Variants in SFTPB observed in about 807,000 individuals in gnomAD.
The protein encoded by SFTPB is surfactant protein B, also known as pulmonary surfactant-associated protein B.
In SFTPB, 32 loss-of-function variants were observed where a neutral mutation model predicts 51.0. The ratio of observed to expected loss-of-function variants is 0.63; its 90% CI spans 0.47 to 0.84. The LOEUF is 0.84. SFTPB is among the 40% of genes least tolerant of loss of function. SFTPB has a pLI of 0.00. For missense variants in SFTPB, 431 were observed against 491.2 expected (o/e 0.88, Z 1.16); for synonymous variants, 211 against 208.5 (o/e 1.01, Z -0.10).
At chr2:85,667,297 C>T in intron 2 of SFTPB, 120 bp from the exon 3 acceptor site, 2 of 775,286 alleles carry the variant, frequency 2.6e-6, no homozygotes, top group Non-Finnish European at 4.6e-6. Context: ...CAGCTGCCCA[C>T]CAGCCCAACT....
rs1162494889 is a variant in SFTPB, at chr2:85,657,945, TG to T, written c.*1756del. The T allele has an allele frequency of 2.6e-5, 4 of 151,698 alleles. No homozygotes were observed. The highest frequency in any genetic ancestry group is 9.7e-5 in the African/African-American group (4 of 41,242). 9.4% of individuals were successfully genotyped at this position (151,698 alleles called of 1,614,324 possible). On this transcript the variant is annotated 3_prime_UTR_variant, in exon 11 of 11. Transcript: ENST00000519937. ...ATATTACAAAGCACCTTCTCAAGGGTGGGGAAGGTGTATTGTCACAAGGTCA... is the reference window on the plus strand; with the variant it reads ...ATATTACAAAGCACCTTCTCAAGGGTGGGAAGGTGTATTGTCACAAGGTCA...
rs3024798 is a variant in SFTPB at position 85,667,185 on chromosome 2, G to T, written c.196-8C>A. 574,184 of 1,606,802 alleles carry T rather than the reference G, an allele frequency of 0.36. 106,754 individuals are homozygous for T. The highest frequency in any genetic ancestry group is 0.42 in the Middle Eastern group (2,516 of 6,032). ...CTCTTGGCATAGGTCATCCTGGGGA[G>T]GGAGGGGCCCCAAGGTGGAGGACAC... On this transcript the variant is annotated splice_region_variant and splice_polypyrimidine_tract_variant and intron_variant, in intron 2 of 10. Transcript: ENST00000519937.
chr2:85,668,129 C>A lies in SFTPB; in HGVS notation c.55G>T (p.Gly19Cys), dbSNP rs1358662762. The change falls in exon 1 of 11, where the codon GGC becomes TGC. Residue 19 changes from glycine to cysteine, a missense_variant. By Grantham distance (159) the Gly-to-Cys change is radical (BLOSUM62 -3). Coordinates refer to ENST00000519937, the MANE Select transcript of SFTPB (RefSeq NM_000542.5). Reference sequence around the variant, plus strand: ...GGGGGAGACTCACCAGTGCCTGGGCCACAGAGCGTGGGCAGCAGCAGCAGC... The same window carrying A: ...GGGGGAGACTCACCAGTGCCTGGGCAACAGAGCGTGGGCAGCAGCAGCAGC... ...WLLLLLPTLC[G>C]PGTAAWTTSS... 8 of 1,551,178 alleles carry A rather than the reference C, an allele frequency of 5.2e-6. No individual in the cohort carries two copies. The highest frequency in any genetic ancestry group is 1.4e-5 in the African/African-American group (1 of 73,012).
Position 85,658,018 on chromosome 2 carries a change from T to C in SFTPB, c.*1684A>G, listed in dbSNP as rs936622704. ...AGGAACAAATCACAATGGTGGAATG[T>C]CATCAGTTAAGGCAGGAACTGGCTA... On this transcript the variant is annotated 3_prime_UTR_variant, in exon 11 of 11. Transcript: ENST00000519937. 6.6e-6 allele frequency: 1 copy of C among 151,734 alleles called. No individual in the cohort carries two copies. Among genetic ancestry groups the C allele is most frequent in the Non-Finnish European group, 1.5e-5 (1 of 67,918 alleles). 9.4% of individuals were successfully genotyped at this position (151,734 alleles called of 1,614,324 possible).
At chr2:85,666,445 GTCCGGCTGGCTGGGGTGCTGTGTGTT>G in intron 4 of SFTPB, 146 bp downstream of exon 4, 1 of 589,608 alleles carries the variant, frequency 1.7e-6, no homozygotes, top group Non-Finnish European at 3.1e-6. Context: ...GTGTGTGTGT[GTCCGGCTGGCTGGGGTGCTGTGTGTT>G]TGTGTCTGGC....
intron 5 of SFTPB, 103 bp from the exon 6 acceptor site, chr2:85,665,481 G>A (rs1194984331): frequency 1.6e-5 from 23 of 1,435,418 alleles, no homozygotes; most frequent in Non-Finnish European, 2.1e-5. Context: ...CCTCCCTTAG[G>A]CCCTGCCTGG....
chr2:85,665,865 G>A, intron 4 of SFTPB, 71 bp from the exon 5 acceptor site: 1 of 1,456,792 alleles, frequency 6.9e-7, no homozygotes, highest in South Asian at 1.2e-5. Context: ...GCCGGCCCAA[G>A]GGCTCAGGGA....
At chr2:85,667,877 C>T in intron 1 of SFTPB, 71 bp from the exon 2 acceptor site, 2 of 1,605,204 alleles carry the variant, frequency 1.2e-6, no homozygotes, top group Middle Eastern at 1.7e-4. Flanking sequence ...TTTCACCCAC[C>T]CTCTAGACCC....
At chr2:85,668,321 T>A, upstream of SFTPB, 3 of 791,808 alleles carry the variant, frequency 3.8e-6, no homozygotes, top group South Asian at 1.6e-5. Flanking sequence ...TGATCCCACC[T>A]TTTCCCAGCA....
chr2:85,666,983 C>T, intron 3 of SFTPB, 123 bp downstream of exon 3: 2 of 1,007,310 alleles, frequency 2.0e-6, no homozygotes, highest in South Asian at 1.3e-5. Context: ...GGAGCTGGGA[C>T]TTCCCAGGCA....
chr2:85,665,451 C>G (rs1001917615), intron 5 of SFTPB, 73 bp from the exon 6 acceptor site: 1 of 1,455,620 alleles, frequency 6.9e-7, no homozygotes, highest in African/African-American at 1.4e-5. Context: ...TCCCCTCTCT[C>G]TTCCTCCCTT....
chr2:85,668,317 C>T (rs556812475), upstream of SFTPB: 7 of 807,806 alleles, frequency 8.7e-6, no homozygotes, highest in Admixed American at 6.3e-5. Context: ...TGCTTGATCC[C>T]ACCTTTTCCC....
chr2:85,664,013 G>T (rs1293030870), intron 6 of SFTPB, among the ~76,000 whole-genome samples, 166 bp from the exon 7 acceptor site: 1 of 152,178 alleles, frequency 6.6e-6, no homozygotes, highest in Non-Finnish European at 1.5e-5. Context: ...GAGTCCAGGG[G>T]ATGCAGGGGA....
chr2:85,664,128 C>T (rs45618240), intron 6 of SFTPB, among the ~76,000 whole-genome samples: 6 of 152,194 alleles, frequency 3.9e-5, no homozygotes, highest in African/African-American at 1.4e-4. Context: ...GTGGACCTGA[C>T]CTTCCCCCAA....
chr2:85,665,353 A>G lies in SFTPB; in HGVS notation c.608T>C (p.Ile203Thr), dbSNP rs1193382451. The G allele has an allele frequency of 1.2e-6, 2 of 1,613,852 alleles. No homozygotes were observed. Among genetic ancestry groups the G allele is most frequent in the Admixed American group, 1.7e-5 (1 of 60,026 alleles). Residue 203 changes from isoleucine (I) to threonine (T), a missense_variant, in exon 6 of 11, where the codon ATT becomes ACT. Ile to Thr is a moderately conservative substitution (Grantham distance 89, BLOSUM62 -1). Coordinates refer to ENST00000519937, the MANE Select transcript of SFTPB (RefSeq NM_000542.5). ...TQDLSEQQFP[I>T]PLPYCWLCRA... ...GCAGAGCCAGCAATAGGGGAGAGGA[A>G]TGGGGAATTGCTGCTCGGAGAGATC...
intron 9 of SFTPB, 40 bp from the exon 10 acceptor site, chr2:85,661,575 C>A: frequency 1.3e-6 from 2 of 1,540,708 alleles, no homozygotes; most frequent in Non-Finnish European, 1.8e-6. Flanking sequence ...CCTGGGCCCC[C>A]TCAGCTCCCC....
intron 7 of SFTPB, 63 bp from the exon 8 acceptor site, chr2:85,663,554 GTCC>G (rs1213185189): frequency 6.2e-7 from 1 of 1,602,076 alleles, no homozygotes; most frequent in Non-Finnish European, 8.5e-7. Context: ...TTTGGTTTCT[GTCC>G]TCCTTGGTGC....
intron 9 of SFTPB, 35 bp from the exon 10 acceptor site, chr2:85,661,570 GCCCCCTC>G: frequency 6.4e-7 from 1 of 1,552,160 alleles, no homozygotes; most frequent in Non-Finnish European, 8.8e-7. Context: ...TGAGGCCTGG[GCCCCCTC>G]AGCTCCCCAC....
Position 85,668,137 on chromosome 2 carries a change from G to T in SFTPB, c.47C>A (p.Thr16Lys). The change falls in exon 1 of 11, where the codon ACG becomes AAG. Residue 16 changes from threonine to lysine, a missense_variant. By Grantham distance (78) the Thr-to-Lys change is moderately conservative. Transcript: ENST00000519937. ...CTCACCAGTGCCTGGGCCACAGAGC[G>T]TGGGCAGCAGCAGCAGCAGCCACTG... Reference protein sequence around the residue: ...LLQWLLLLLPTLCGPGTAAWT... With the variant: ...LLQWLLLLLPKLCGPGTAAWT... 6.4e-7 allele frequency: 1 copy of T among 1,551,222 alleles called. No homozygotes were observed. Among genetic ancestry groups the T allele is most frequent in the Non-Finnish European group, 8.7e-7 (1 of 1,146,770 alleles).
Sources: allele counts gnomAD v4.1 joint callset (sites outside exome capture counted in the v4.1 genomes callset), GRCh38; gene constraint gnomAD v4.1.1; transcripts MANE v1.5; gene names NCBI Gene and HGNC (gene_info 2026-07-23, HGNC 2026-07-21).